SLITRK4: variants seen among roughly 807,000 people sequenced by gnomAD.
SLITRK4 encodes the protein SLIT and NTRK-like protein 4.
In SLITRK4, 7 loss-of-function variants were observed where a neutral mutation model predicts 34.7. The ratio of observed to expected loss-of-function variants is 0.20; its 90% CI spans 0.11 to 0.38. SLITRK4 has a LOEUF of 0.38. SLITRK4 is among the 10% of genes least tolerant of loss of function. The pLI, the probability that SLITRK4 is intolerant of heterozygous loss-of-function variation, is 1.00. For synonymous variants in SLITRK4, 237 were observed against 246.2 expected (o/e 0.96, Z 0.35); for missense variants, 474 against 607.0 (o/e 0.78, Z 2.30).
Position 143,628,580 on chromosome X carries a change from G to A in SLITRK4, c.*15C>T. ...ATTAAATAAATGTCCTCTGTATGAAGTAAGATTACATGACCTAGATCTTGT... is the reference window on the plus strand; with the variant it reads ...ATTAAATAAATGTCCTCTGTATGAAATAAGATTACATGACCTAGATCTTGT... On this transcript the variant is annotated 3_prime_UTR_variant, in exon 2 of 2. Coordinates refer to ENST00000356928, the MANE Select transcript of SLITRK4 (RefSeq NM_001184749.3). 1 of 1,140,383 alleles carries A rather than the reference G, an allele frequency of 8.8e-7. No homozygotes were observed. Among genetic ancestry groups the A allele is most frequent in the Non-Finnish European group, 1.2e-6 (1 of 854,737 alleles). 94.0% of individuals were successfully genotyped at this position (1,140,383 alleles called of 1,213,427 possible).
In SLITRK4 at chrX:143,624,341, G is replaced by A. The variant is rs1248745076; in HGVS notation, c.*4254C>T. ...AGGCAAACTGGCAATGGAATACAGA[G>A]GTACTGAAGGGTTTCTAAAAGTATT... On this transcript the variant is annotated 3_prime_UTR_variant, in exon 2 of 2. Transcript: ENST00000356928. 9.0e-6 allele frequency: 1 copy of A among 111,674 alleles called. No individual in the cohort carries two copies. Among genetic ancestry groups the A allele is most frequent in the Non-Finnish European group, 1.9e-5 (1 of 52,976 alleles). 9.2% of individuals were successfully genotyped at this position (111,674 alleles called of 1,213,427 possible).
chrX:143,628,132 T>TTTTTTTTTTTTG lies in SLITRK4; in HGVS notation c.*462_*463insCAAAAAAAAAAA. ...TTTTTTTTTTTTTTTTTTTTTACTT[T>TTTTTTTTTTTTG]TCAGATAATCTTTACACGGAGTTGT... On this transcript the variant is annotated 3_prime_UTR_variant, in exon 2 of 2. Transcript: ENST00000356928. 1.0e-5 allele frequency: 2 copies of TTTTTTTTTTTTG among 194,086 alleles called. No homozygotes were observed. 16.0% of individuals were successfully genotyped at this position (194,086 alleles called of 1,213,427 possible).
In SLITRK4 at chrX:143,628,223, A is replaced by G. The variant is rs1930876636; in HGVS notation, c.*372T>C. ...ACTTAATCTACGTGCAAGATAAAGG[A>G]CCCAGCTGGTACAGGTGTACCAGTT... is the stretch of plus-strand genomic sequence containing the variant. On this transcript the variant is annotated 3_prime_UTR_variant, in exon 2 of 2. Transcript: ENST00000356928. 3.4e-6 allele frequency: 1 copy of G among 293,634 alleles called. No homozygotes were observed. The highest frequency in any genetic ancestry group is 5.9e-6 in the Non-Finnish European group (1 of 169,629). 24.2% of individuals were successfully genotyped at this position (293,634 alleles called of 1,213,427 possible).
At position 143,629,987 on chromosome X, in the gene SLITRK4, C is replaced by A. The variant is rs782741851; in HGVS notation, c.1122G>T (p.Pro374=). The stretch of plus-strand genomic sequence containing the variant: ...GCAGCTTCTTCGCATTTAAAGGTTT[C>A]GGTATCAGTTCAGACATAGACTGTA... ...KNIQSMSELI[P]KPLNAKKLHV... The change falls in exon 2 of 2, where the codon CCG becomes CCT. Residue 374 remains proline (P), a synonymous_variant. Transcript: ENST00000356928. 18 of 1,210,112 alleles carry A rather than the reference C, an allele frequency of 1.5e-5. No individual in the cohort carries two copies. The highest frequency in any genetic ancestry group is 2.0e-5 in the Non-Finnish European group (18 of 895,296).
rs1556425931 is a variant in SLITRK4 at position 143,628,477 on chromosome X, C to T, written c.*118G>A. ...CTTTGCAGCTACAGTTAATGAGACA[C>T]CCTTGGAAACACCTGCCTCCATGCC... On this transcript the variant is annotated 3_prime_UTR_variant, in exon 2 of 2. Transcript: ENST00000356928. 9.4e-6 allele frequency: 5 copies of T among 530,118 alleles called. No individual in the cohort carries two copies. The highest frequency in any genetic ancestry group is 1.5e-5 in the Non-Finnish European group (5 of 333,587). 43.7% of individuals were successfully genotyped at this position (530,118 alleles called of 1,213,427 possible). A position where few individuals can be genotyped will look rare whatever the true frequency, so the allele number is the denominator to read the frequency against.
chrX:143,626,118 A>G lies in SLITRK4; in HGVS notation c.*2477T>C, dbSNP rs1358148830. 1 of 111,305 alleles carries G rather than the reference A, an allele frequency of 9.0e-6. No homozygotes were observed. The highest frequency in any genetic ancestry group is 1.9e-5 in the Non-Finnish European group (1 of 52,806). 9.2% of individuals were successfully genotyped at this position (111,305 alleles called of 1,213,427 possible). The stretch of plus-strand genomic sequence containing the variant: ...TGAATGGAACTTTCTGATTCCTCCT[A>G]TAAGTGTCTATTTAAGATCCTTCAA... On this transcript the variant is annotated 3_prime_UTR_variant, in exon 2 of 2. Transcript: ENST00000356928.
At position 143,630,838 on chromosome X, in the gene SLITRK4, C is replaced by T; in HGVS notation, c.271G>A (p.Gly91Arg). ...NFSHAVSLHL[G>R]NNKLQNIEGG... ...TCAATGTTCTGCAGTTTATTATTCC[C>T]CAGATGCAGGGAGACTGCATGTGAA... Residue 91 changes from glycine (G) to arginine (R), a missense_variant, in exon 2 of 2, where the codon GGG becomes AGG. Coordinates refer to ENST00000356928, the MANE Select transcript of SLITRK4 (RefSeq NM_001184749.3). 8.3e-7 allele frequency: 1 copy of T among 1,210,967 alleles called. No individual in the cohort carries two copies. Among genetic ancestry groups the T allele is most frequent in the Non-Finnish European group, 1.1e-6 (1 of 895,153 alleles).
In SLITRK4 at chrX:143,627,008, G is replaced by C. The variant is rs1459841236; in HGVS notation, c.*1587C>G. On this transcript the variant is annotated 3_prime_UTR_variant, in exon 2 of 2. Coordinates refer to ENST00000356928, the MANE Select transcript of SLITRK4 (RefSeq NM_001184749.3). ...AATCGGGAGCTCCTACAAAAGTTCCGACATCACCCATTATCAGTTACTTTA... is the reference window on the plus strand; with the variant it reads ...AATCGGGAGCTCCTACAAAAGTTCCCACATCACCCATTATCAGTTACTTTA... 9.3e-6 allele frequency: 1 copy of C among 107,865 alleles called. No individual in the cohort carries two copies. Among genetic ancestry groups the C allele is most frequent in the Non-Finnish European group, 1.9e-5 (1 of 52,173 alleles). 8.9% of individuals were successfully genotyped at this position (107,865 alleles called of 1,213,427 possible). A position where few individuals can be genotyped will look rare whatever the true frequency, so the allele number is the denominator to read the frequency against.
rs1423195755 is a variant in SLITRK4, at chrX:143,623,154, C to T, written c.*5441G>A. On this transcript the variant is annotated 3_prime_UTR_variant, in exon 2 of 2. Transcript: ENST00000356928. ...ATTATTAATATTATTTCTCTGAAGG[C>T]CTCATTCATGACCTTTTTAAGTTAA... The T allele has an allele frequency of 1.8e-5, 2 of 111,054 alleles. No homozygotes were observed. Among genetic ancestry groups the T allele is most frequent in the Middle Eastern group, 8.5e-3 (2 of 234 alleles). The allele number at this position is 111,054 out of a possible 1,213,427, so 9.2% of individuals were successfully genotyped here.
rs781939406 is a variant in SLITRK4, at chrX:143,625,920, A to T, written c.*2675T>A. ...TAAATTACTTTTTAAAAAAAGTTGA[A>T]CATTTATACCTTTTAGCAGAAGAGT... On this transcript the variant is annotated 3_prime_UTR_variant, in exon 2 of 2. Transcript: ENST00000356928. 3.6e-5 allele frequency: 4 copies of T among 112,097 alleles called. No homozygotes were observed. In the East Asian group the frequency reaches 1.1e-3, roughly 31 times the overall value. 9.2% of individuals were successfully genotyped at this position (112,097 alleles called of 1,213,427 possible). A position where few individuals can be genotyped will look rare whatever the true frequency, so the allele number is the denominator to read the frequency against.
rs1327275838 is a variant in SLITRK4, at chrX:143,624,212, A to G, written c.*4383T>C. ...ATGCAATTAGTTCATTTTCCACAAC[A>G]GTAATAATTTGGGTAAAGTCATGGA... On this transcript the variant is annotated 3_prime_UTR_variant, in exon 2 of 2. Coordinates refer to ENST00000356928, the MANE Select transcript of SLITRK4 (RefSeq NM_001184749.3). The G allele has an allele frequency of 9.0e-6, 1 of 111,721 alleles. No individual in the cohort carries two copies. The highest frequency in any genetic ancestry group is 1.9e-5 in the Non-Finnish European group (1 of 53,004). The allele number at this position is 111,721 out of a possible 1,213,427, so 9.2% of individuals were successfully genotyped here.
rs782089060 is a variant in SLITRK4, at chrX:143,629,973, G to A, written c.1136C>T (p.Ala379Val). The A allele has an allele frequency of 9.1e-6, 11 of 1,210,062 alleles. No homozygotes were observed. Among genetic ancestry groups the A allele is most frequent in the Non-Finnish European group, 1.2e-5 (11 of 895,296 alleles). The change falls in exon 2 of 2, where the codon GCG becomes GTG. Residue 379 changes from alanine to valine, a missense_variant. Physicochemically the swap from Ala to Val is moderately conservative, Grantham distance 64. This residue lies in a region of SLITRK4 where 345 missense variants were observed against 406.5 expected (regional missense o/e 0.85). Coordinates refer to ENST00000356928, the MANE Select transcript of SLITRK4 (RefSeq NM_001184749.3). ...MSELIPKPLN[A>V]KKLHVNGNSI... The stretch of plus-strand genomic sequence containing the variant: ...ATTGCCATTGACGTGCAGCTTCTTC[G>A]CATTTAAAGGTTTCGGTATCAGTTC...
chrX:143,629,055 G>T lies in SLITRK4; in HGVS notation c.2054C>A (p.Ala685Asp), dbSNP rs782329018. The part of the protein sequence containing the change: ...TNKKDGLSTE[A>D]FIPQTIEQMS... ...CTGTTCTATAGTTTGTGGAATGAAAGCTTCTGTGCTCAGTCCATCTTTTTT... is the reference window on the plus strand; with the variant it reads ...CTGTTCTATAGTTTGTGGAATGAAATCTTCTGTGCTCAGTCCATCTTTTTT... The change falls in exon 2 of 2, where the codon GCT becomes GAT. Residue 685 changes from alanine (A) to aspartate (D), a missense_variant. Ala to Asp is a moderately radical substitution (Grantham distance 126). Transcript: ENST00000356928. 1 of 1,211,789 alleles carries T rather than the reference G, an allele frequency of 8.3e-7. No homozygotes were observed. The highest frequency in any genetic ancestry group is 1.8e-5 in the South Asian group (1 of 56,999).
In SLITRK4 at chrX:143,627,003, G is replaced by C. The variant is rs1930814737; in HGVS notation, c.*1592C>G. ...TTGTTAATCGGGAGCTCCTACAAAA[G>C]TTCCGACATCACCCATTATCAGTTA... On this transcript the variant is annotated 3_prime_UTR_variant, in exon 2 of 2. Transcript: ENST00000356928. 2.8e-5 allele frequency: 3 copies of C among 107,896 alleles called. No homozygotes were observed. The highest frequency in any genetic ancestry group is 1.0e-4 in the African/African-American group (3 of 29,760). The allele number at this position is 107,896 out of a possible 1,213,427, so 8.9% of individuals were successfully genotyped here.
rs1931007471 is a variant in SLITRK4 at position 143,630,838 on chromosome X, C to A, written c.271G>T (p.Gly91Trp). Residue 91 changes from glycine to tryptophan, a missense_variant, in exon 2 of 2, where the codon GGG (glycine) becomes TGG (tryptophan). Coordinates refer to ENST00000356928, the MANE Select transcript of SLITRK4 (RefSeq NM_001184749.3). ...TCAATGTTCTGCAGTTTATTATTCC[C>A]CAGATGCAGGGAGACTGCATGTGAA... ...NFSHAVSLHL[G>W]NNKLQNIEGG... The A allele has an allele frequency of 8.3e-7, 1 of 1,209,410 alleles. No individual in the cohort carries two copies.
rs980366954 is a variant in SLITRK4 at position 143,623,956 on chromosome X, T to C, written c.*4639A>G. ...AAATAACACAATCCTACGGTGTATC[T>C]CCTCAGATGCATAAGGCATTTAGTC... On this transcript the variant is annotated 3_prime_UTR_variant, in exon 2 of 2. Coordinates refer to ENST00000356928, the MANE Select transcript of SLITRK4 (RefSeq NM_001184749.3). The C allele has an allele frequency of 8.9e-6, 1 of 111,887 alleles. No individual in the cohort carries two copies. Among genetic ancestry groups the C allele is most frequent in the African/African-American group, 3.2e-5 (1 of 30,860 alleles). The allele number at this position is 111,887 out of a possible 1,213,427, so 9.2% of individuals were successfully genotyped here. A position where few individuals can be genotyped will look rare whatever the true frequency, so the allele number is the denominator to read the frequency against.
At position 143,634,074 on chromosome X, in the gene SLITRK4, A is replaced by C. The variant is rs781866215; in HGVS notation, c.-51+1661T>G. Among the ~76,000 whole-genome samples the C allele has an allele frequency of 7.1e-5, 8 of 112,310 alleles. No individual in the cohort carries two copies. The South Asian group carries it at 2.9e-3, about 41-fold the overall frequency. On this transcript the variant is annotated intron_variant, in intron 1 of 1. Coordinates refer to ENST00000356928, the MANE Select transcript of SLITRK4 (RefSeq NM_001184749.3). ...CCCAGGCGTGCGGTGGGTGAGGAGG[A>C]AGAGAGGCCAGATCAGGCCGCCTCG...
At chrX:143,633,694 C>T (rs1931125323) in intron 1 of SLITRK4, among the ~76,000 whole-genome samples, 1 of 111,662 alleles carries the variant, frequency 9.0e-6, no homozygotes, top group African/African-American at 3.3e-5. Flanking sequence ...AGGTGGCTCC[C>T]CGAGAGCTCC....
At position 143,631,097 on chromosome X, in the gene SLITRK4, C is replaced by A; in HGVS notation, c.12G>T (p.Trp4Cys). 8.6e-7 allele frequency: 1 copy of A among 1,162,140 alleles called. No individual in the cohort carries two copies. The highest frequency in any genetic ancestry group is 2.7e-5 in the Admixed American group (1 of 36,971). MFL[W>C]LFLILSALIS... ...TCAGGGCTGACAAAATCAGAAACAG[C>A]CACAGAAACATCTTCTTGCAATCAG... Residue 4 changes from tryptophan (W) to cysteine (C), a missense_variant, in exon 2 of 2, where the codon TGG becomes TGT. Around this residue, in one of 3 missense-constraint regions of SLITRK4, gnomAD observed 84 missense variants for 101.3 expected, o/e 0.83. Coordinates refer to ENST00000356928, the MANE Select transcript of SLITRK4 (RefSeq NM_001184749.3).
Sources: gnomAD v4.1 joint callset for allele counts (sites outside exome capture counted in the v4.1 genomes callset) on GRCh38, gnomAD v4.1.1 for gene constraint, gnomAD v4.1.1 regional missense constraint, MANE v1.5 for transcripts, NCBI Gene and HGNC (gene_info 2026-07-23, HGNC 2026-07-21) for gene names.